The following AGAP1 variants were observed in gnomAD, a reference collection of about 807,000 sequenced individuals.
AGAP1 encodes arf-GAP with GTPase, ANK repeat and PH domain-containing protein 1.
A neutral mutation model predicts 105.3 loss-of-function variants in AGAP1; 29 were observed. That is an observed-to-expected ratio of 0.28 (90% CI 0.21 to 0.38). AGAP1 has a LOEUF of 0.38. AGAP1 is among the 10% of genes least tolerant of loss of function. The pLI is 1.00. For synonymous variants in AGAP1, 509 were observed against 485.9 expected (o/e 1.05, Z -0.63); for missense variants, 998 against 1,165.1 (o/e 0.86, Z 2.09).
intron 13 of AGAP1, among the ~76,000 whole-genome samples, chr2:235,999,802 T>A (rs911050093): frequency 1.3e-5 from 2 of 150,318 alleles, no homozygotes; most frequent in Non-Finnish European, 2.9e-5. Context: ...ACCTGTATCT[T>A]GATGCTTCCC....
intron 1 of AGAP1, among the ~76,000 whole-genome samples, chr2:235,627,998 A>G (rs1386005993): frequency 6.6e-6 from 1 of 152,138 alleles, no homozygotes; most frequent in African/African-American, 2.4e-5. Flanking sequence ...GAATTGGGAC[A>G]GTGCCCTTGA....
chr2:235,517,600 T>A lies in AGAP1; in HGVS notation c.163+22751T>A, dbSNP rs908485455. On this transcript the variant is annotated intron_variant, in intron 1 of 17. Coordinates refer to ENST00000304032, the MANE Select transcript of AGAP1 (RefSeq NM_001037131.3). This position sits in a 1 kb window ranked among gnomAD's most constrained non-coding sequence, Gnocchi z 4.1. Reference sequence around the variant, plus strand: ...CTTGTTTAGATCAAAGTCATGTTTTTAAAATATAAACTAGATTATGAAAAA... The same window carrying A: ...CTTGTTTAGATCAAAGTCATGTTTTAAAAATATAAACTAGATTATGAAAAA... 6.6e-6 allele frequency among the ~76,000 whole-genome samples: 1 copy of A among 152,110 alleles called. No individual in the cohort carries two copies. Among genetic ancestry groups the A allele is most frequent in the African/African-American group, 2.4e-5 (1 of 41,422 alleles).
chr2:235,995,558 A>G (rs1407999023), intron 13 of AGAP1, among the ~76,000 whole-genome samples: 1 of 152,212 alleles, frequency 6.6e-6, no homozygotes, highest in Admixed American at 6.5e-5. Context: ...TAAAGAAGAA[A>G]GACCCTCTGT....
chr2:235,746,803 A>G (rs2149690225), intron 5 of AGAP1, among the ~76,000 whole-genome samples: 1 of 152,102 alleles, frequency 6.6e-6, no homozygotes, highest in Admixed American at 6.5e-5. Flanking sequence ...TGACTTTAGG[A>G]CTCAGAATGG....
At chr2:235,502,308 G>A (rs7599284) in intron 1 of AGAP1, among the ~76,000 whole-genome samples, 134,925 of 152,146 alleles carry the variant, frequency 0.89, 60,155 homozygotes, top group East Asian at 0.99. Flanking sequence ...GATTCTTTGA[G>A]TAACCAGCCA....
chr2:235,823,363 G>A (rs1043107857), intron 9 of AGAP1, among the ~76,000 whole-genome samples: 3 of 152,050 alleles, frequency 2.0e-5, no homozygotes, highest in Non-Finnish European at 2.9e-5. Flanking sequence ...TCGAGCTCCT[G>A]GCCTCAAGCA....
At chr2:235,915,269 A>T (rs767812148) in intron 11 of AGAP1, among the ~76,000 whole-genome samples, 6 of 152,236 alleles carry the variant, frequency 3.9e-5, no homozygotes, top group Non-Finnish European at 8.8e-5. Context: ...AACTGATCTT[A>T]GTAAGAGTGA....
At position 235,882,409 on chromosome 2, in the gene AGAP1, G is replaced by A. The variant is rs2050071642; in HGVS notation, c.1051-936G>A. The A allele has an allele frequency of 6.3e-7, 1 of 1,582,672 alleles. No individual in the cohort carries two copies. The highest frequency in any genetic ancestry group is 8.7e-7 in the Non-Finnish European group (1 of 1,155,714). On this transcript the variant is annotated intron_variant, in intron 9 of 17. Transcript: ENST00000304032. The surrounding 1 kb of genome is among the most constrained non-coding windows in gnomAD (Gnocchi z 4.6). ...TGCCCAGTGGTCTCTTTGGTCGGCA[G>A]GGTGTTCTTCTCCTGCGTCTCCGTT...
chr2:235,609,329 G>A lies in AGAP1; in HGVS notation c.164-99850G>A, dbSNP rs1198812762. ...TGAGTCCCTAGCAGGAGAAGTCCCT[G>A]TTAAAATGGCCAGAGGACATGGGGA... On this transcript the variant is annotated intron_variant, in intron 1 of 17. Coordinates refer to ENST00000304032, the MANE Select transcript of AGAP1 (RefSeq NM_001037131.3). This position sits in a 1 kb window ranked among gnomAD's most constrained non-coding sequence, Gnocchi z 5.1. Among the ~76,000 whole-genome samples, 3 of 152,158 alleles carry A rather than the reference G, an allele frequency of 2.0e-5. No individual in the cohort carries two copies. The highest frequency in any genetic ancestry group is 4.4e-5 in the Non-Finnish European group (3 of 68,040).
rs540775923 is a variant in AGAP1 at position 235,669,499 on chromosome 2, T to TCGCCGC, written c.164-39664_164-39659dup. The TCGCCGC allele has an allele frequency of 3.1e-4, 46 of 150,258 alleles. 1 individual carries two copies. Among genetic ancestry groups the TCGCCGC allele is most frequent in the Middle Eastern group, 3.4e-3 (1 of 298 alleles). The allele number at this position is 150,258 out of a possible 1,614,324, so 9.3% of individuals were successfully genotyped here. On this transcript the variant is annotated intron_variant, in intron 1 of 17. Coordinates refer to ENST00000304032, the MANE Select transcript of AGAP1 (RefSeq NM_001037131.3). ...CGCTTGGGCCTGCACGCCGCCGCGC[T>TCGCCGC]CGCCGCCGCCGCCGCCGCCGCGCTC...
In AGAP1 at chr2:236,049,145, C is replaced by T. The variant is rs747178800; in HGVS notation, c.1978C>T (p.Arg660Ter). 6.2e-7 allele frequency: 1 copy of T among 1,614,224 alleles called. No individual in the cohort carries two copies. The highest frequency in any genetic ancestry group is 8.5e-7 in the Non-Finnish European group (1 of 1,180,040). The change falls in exon 16 of 18, where the codon CGA becomes TGA. Residue 660 changes from arginine (R) to a stop codon, truncating the protein, a stop_gained. Coordinates refer to ENST00000304032, the MANE Select transcript of AGAP1 (RefSeq NM_001037131.3). LOFTEE classifies it high-confidence loss of function. ...CCGGAATCTTGGCACCCACCTTTCC[C>T]GAGTCCGATCTCTGGACCTGGATGA... ...IHRNLGTHLS[R>*]VRSLDLDDWP...
intron 1 of AGAP1, among the ~76,000 whole-genome samples, chr2:235,679,420 C>T (rs749048962): frequency 1.1e-4 from 16 of 152,160 alleles, no homozygotes; most frequent in Non-Finnish European, 2.4e-4. Flanking sequence ...TATAAGCCAA[C>T]CTTGTATTTT....
intron 13 of AGAP1, among the ~76,000 whole-genome samples, chr2:236,023,907 G>T (rs760510996): frequency 6.6e-6 from 1 of 152,110 alleles, no homozygotes; most frequent in African/African-American, 2.4e-5. Context: ...ATTCTCATCC[G>T]GTCATTGAAG....
Position 235,932,162 on chromosome 2 carries a change from G to A in AGAP1, c.1483+1239G>A, listed in dbSNP as rs551872076. On this transcript the variant is annotated intron_variant, in intron 12 of 17. Transcript: ENST00000304032. The stretch of plus-strand genomic sequence containing the variant: ...CTTTGTAACCACTGCATGCCCCAGC[G>A]GGCCTGGTAGTCAGCCTTTCATCAG... Among the ~76,000 whole-genome samples the A allele has an allele frequency of 3.9e-5, 6 of 152,306 alleles. No individual in the cohort carries two copies. The East Asian group carries it at 5.8e-4, about 15-fold the overall frequency.
In AGAP1 at chr2:235,893,680, G is replaced by C. The variant is rs78060437; in HGVS notation, c.1155+10231G>C. Among the ~76,000 whole-genome samples the C allele has an allele frequency of 0.023, 3,494 of 152,256 alleles. 107 individuals are homozygous for C. Among genetic ancestry groups the C allele is most frequent in the African/African-American group, 0.08 (3,336 of 41,538 alleles). On this transcript the variant is annotated intron_variant, in intron 10 of 17. Coordinates refer to ENST00000304032, the MANE Select transcript of AGAP1 (RefSeq NM_001037131.3). This position sits in a 1 kb window ranked among gnomAD's most constrained non-coding sequence, Gnocchi z 4.7. ...AGAATGTCCCTTTCTGCCCCATCTA[G>C]TGTATGTCATTGAGGAGGAGGGCTG...
At chr2:235,522,159 G>A (rs943027059) in intron 1 of AGAP1, among the ~76,000 whole-genome samples, 1 of 152,190 alleles carries the variant, frequency 6.6e-6, no homozygotes, top group Admixed American at 6.5e-5. Flanking sequence ...CTTCCTGGCA[G>A]TTCCTTAAAC....
intron 9 of AGAP1, among the ~76,000 whole-genome samples, chr2:235,819,299 G>A (rs938261542): frequency 5.9e-5 from 9 of 151,890 alleles, no homozygotes; most frequent in African/African-American, 2.2e-4. Context: ...ATTTTTAATA[G>A]AGATAGGGTT....
In AGAP1 at chr2:235,582,335, T is replaced by C. The variant is rs1204257246; in HGVS notation, c.163+87486T>C. Among the ~76,000 whole-genome samples, 1 of 152,134 alleles carries C rather than the reference T, an allele frequency of 6.6e-6. No individual in the cohort carries two copies. The highest frequency in any genetic ancestry group is 1.5e-5 in the Non-Finnish European group (1 of 68,022). On this transcript the variant is annotated intron_variant, in intron 1 of 17. Coordinates refer to ENST00000304032, the MANE Select transcript of AGAP1 (RefSeq NM_001037131.3). The surrounding 1 kb of genome is among the most constrained non-coding windows in gnomAD (Gnocchi z 4.7). ...GCTCTTTGTGCTGGCATTTAGGGTG[T>C]CACTAAAGCCCAAGACCAGGATTGC...
intron 15 of AGAP1, among the ~76,000 whole-genome samples, chr2:236,047,727 G>A (rs1224406522): frequency 6.7e-6 from 1 of 148,558 alleles, no homozygotes; most frequent in African/African-American, 2.5e-5. Context: ...AGCCTCTCAA[G>A]GAGCTGGGAT....
Sources: allele counts gnomAD v4.1 joint callset (sites outside exome capture counted in the v4.1 genomes callset), GRCh38; gene constraint gnomAD v4.1.1; non-coding constraint Gnocchi (gnomAD v3.1); transcripts MANE v1.5; gene names NCBI Gene and HGNC (gene_info 2026-07-23, HGNC 2026-07-21).